PLCG2: variants seen among roughly 807,000 people sequenced by gnomAD.
PLCG2 encodes the protein phospholipase C gamma 2.
A neutral mutation model predicts 175.6 loss-of-function variants in PLCG2; 69 were observed. The observed-to-expected ratio is 0.39, with a 90% CI of 0.32 to 0.48. The LOEUF (loss-of-function observed/expected upper bound fraction) is 0.48, where lower values mean the gene tolerates loss of function less well. PLCG2 is among the 20% of genes least tolerant of loss of function. The pLI is 0.91. For synonymous variants in PLCG2, 827 were observed against 624.0 expected, an observed-to-expected ratio of 1.33 and a Z score of -4.85; for missense variants, 1,798 against 1,650.9, an observed-to-expected ratio of 1.09 and a Z score of -1.54.
At chr16:81,899,344 A>C (rs1909042050) in intron 13 of PLCG2, among the ~76,000 whole-genome samples, 1 of 152,012 alleles carries the variant, frequency 6.6e-6, no homozygotes, top group Non-Finnish European at 1.5e-5. Context: ...ATATGTATAT[A>C]CATGTACTAA....
At chr16:81,928,428 T>C in intron 23 of PLCG2, 130 bp from the exon 24 acceptor site, 1 of 670,032 alleles carries the variant, frequency 1.5e-6, no homozygotes. Flanking sequence ...CATGGACGTA[T>C]CTGGTAATGA....
chr16:81,848,387 C>T (rs963273697), intron 2 of PLCG2, among the ~76,000 whole-genome samples: 12 of 152,108 alleles, frequency 7.9e-5, no homozygotes, highest in African/African-American at 2.9e-4. Context: ...CTTGTTTGGG[C>T]CCTTTGGAAG....
intron 2 of PLCG2, among the ~76,000 whole-genome samples, chr16:81,804,410 T>C (rs1267780955): frequency 6.6e-6 from 1 of 152,190 alleles, no homozygotes; most frequent in Non-Finnish European, 1.5e-5. Flanking sequence ...TCTTCTGGCA[T>C]GGGGTTGGTG....
chr16:81,848,490 T>G (rs1165407889), intron 2 of PLCG2, among the ~76,000 whole-genome samples: 4 of 152,174 alleles, frequency 2.6e-5, no homozygotes, highest in African/African-American at 7.2e-5. Context: ...TCTCTGCCTT[T>G]GTACATGTGC....
chr16:81,939,873 A>C lies in PLCG2; in HGVS notation c.3314-19A>C. ...GGCAGCTCCAATGTGGCCTCTCATG[A>C]GCTTTGATCTCCTTCCAGATGATAA... is the stretch of plus-strand genomic sequence containing the variant. On this transcript the variant is annotated intron_variant, in intron 29 of 32. Transcript: ENST00000564138. The C allele has an allele frequency of 6.3e-7, 1 of 1,594,976 alleles. No homozygotes were observed. The highest frequency in any genetic ancestry group is 8.6e-7 in the Non-Finnish European group (1 of 1,163,140).
intron 31 of PLCG2, among the ~76,000 whole-genome samples, chr16:81,956,148 T>A (rs761803502): frequency 1.3e-4 from 20 of 152,226 alleles, no homozygotes; most frequent in Non-Finnish European, 2.5e-4. Context: ...AATGGCATCG[T>A]GTGATTTGTG....
intron 2 of PLCG2, among the ~76,000 whole-genome samples, chr16:81,818,899 T>G: frequency 6.6e-6 from 1 of 150,574 alleles, no homozygotes. Flanking sequence ...TTTTTTTTTT[T>G]TTTTTTTTAC....
chr16:81,879,791 G>A (rs1907988732), intron 7 of PLCG2, among the ~76,000 whole-genome samples: 4 of 152,182 alleles, frequency 2.6e-5, no homozygotes, highest in Admixed American at 2.0e-4. Context: ...ATGGGCTGGT[G>A]CAAGTAGAAG....
At position 81,961,020 on chromosome 16, in the gene PLCG2, A is replaced by G. The variant is rs1000892731; in HGVS notation, c.*3022A>G. The G allele has an allele frequency of 1.3e-5, 3 of 231,020 alleles. No individual in the cohort carries two copies. The highest frequency in any genetic ancestry group is 6.2e-5 in the East Asian group (1 of 16,214). 14.3% of individuals were successfully genotyped at this position (231,020 alleles called of 1,614,324 possible). ...CAAGGTGTAAAAATTCAAAATGTGG[A>G]TATTTGGAAAGTGAAAGACTTATCA... On this transcript the variant is annotated 3_prime_UTR_variant, in exon 33 of 33. Transcript: ENST00000564138.
chr16:81,875,864 G>A (rs752388912), intron 7 of PLCG2, among the ~76,000 whole-genome samples: 6 of 152,298 alleles, frequency 3.9e-5, no homozygotes, highest in Non-Finnish European at 8.8e-5. Context: ...ATGGGTGTGA[G>A]CATGGGGGAA....
chr16:81,787,434 T>G (rs1461988574), intron 2 of PLCG2, among the ~76,000 whole-genome samples: 1 of 133,612 alleles, frequency 7.5e-6, no homozygotes, highest in African/African-American at 2.9e-5. Flanking sequence ...TCTCACTATG[T>G]CCAGGCTTGT....
chr16:81,909,632 GTTT>G (rs1909530585), intron 17 of PLCG2, among the ~76,000 whole-genome samples: 1 of 152,322 alleles, frequency 6.6e-6, no homozygotes, highest in South Asian at 2.1e-4. Flanking sequence ...GCCCAGGCTG[GTTT>G]TGAACTCAGC....
intron 25 of PLCG2, among the ~76,000 whole-genome samples, chr16:81,931,864 G>A (rs1017145213): frequency 5.9e-5 from 9 of 152,160 alleles, no homozygotes; most frequent in Admixed American, 2.6e-4. Flanking sequence ...AGGTGGGTCT[G>A]GTTGTCTGGT....
chr16:81,949,880 C>T (rs952513981), intron 31 of PLCG2, among the ~76,000 whole-genome samples: 12 of 152,048 alleles, frequency 7.9e-5, no homozygotes, highest in South Asian at 4.1e-4. Context: ...TCAACTTTGA[C>T]GACTAGGGAA....
intron 2 of PLCG2, among the ~76,000 whole-genome samples, chr16:81,817,217 A>C (rs1904592190): frequency 6.6e-6 from 1 of 152,070 alleles, no homozygotes; most frequent in South Asian, 2.1e-4. Context: ...GCTGATATTT[A>C]GGCCGAGATC....
intron 19 of PLCG2, among the ~76,000 whole-genome samples, chr16:81,917,363 G>C (rs893183680): frequency 2.0e-5 from 3 of 152,018 alleles, no homozygotes. Context: ...ACATGGGAGT[G>C]CAGCTTTCTC....
intron 7 of PLCG2, among the ~76,000 whole-genome samples, chr16:81,879,275 G>A (rs1239650390): frequency 6.6e-6 from 1 of 152,154 alleles, no homozygotes; most frequent in Non-Finnish European, 1.5e-5. Flanking sequence ...CTGACTTGGT[G>A]ACCTAAGCAG....
intron 13 of PLCG2, among the ~76,000 whole-genome samples, chr16:81,897,644 C>T (rs767541177): frequency 7.4e-5 from 11 of 147,940 alleles, no homozygotes; most frequent in Non-Finnish European, 1.0e-4. Flanking sequence ...CTCCTGAGTT[C>T]GAGCAATTCC....
intron 2 of PLCG2, among the ~76,000 whole-genome samples, chr16:81,790,723 T>C (rs1206090130): frequency 2.0e-5 from 3 of 152,178 alleles, no homozygotes; most frequent in Non-Finnish European, 2.9e-5. Flanking sequence ...ACCTAGGTCC[T>C]ACTGTCTAAA....
Sources: gnomAD v4.1 joint callset for allele counts (sites outside exome capture counted in the v4.1 genomes callset) on GRCh38, gnomAD v4.1.1 for gene constraint, MANE v1.5 for transcripts, NCBI Gene and HGNC (gene_info 2026-07-23, HGNC 2026-07-21) for gene names.